Variants in DENND1A observed in about 807,000 individuals in gnomAD.
DENND1A encodes DENN domain-containing protein 1A.
Under a neutral mutation model 113.7 loss-of-function variants are expected in DENND1A, and 51 were observed. That is an observed-to-expected ratio of 0.45 (90% CI 0.36 to 0.57). The LOEUF (loss-of-function observed/expected upper bound fraction) is 0.57. DENND1A is among the 20% of genes least tolerant of loss of function. DENND1A has a pLI of 0.00. For missense variants in DENND1A, 1,258 were observed against 1,395.9 expected (o/e 0.90, Z 1.57); for synonymous variants, 565 against 570.8 (o/e 0.99, Z 0.14).
At chr9:123,561,315 A>T (rs1323340258) in intron 12 of DENND1A, among the ~76,000 whole-genome samples, 1 of 152,182 alleles carries the variant, frequency 6.6e-6, no homozygotes, top group African/African-American at 2.4e-5. Flanking sequence ...AGCAAATACG[A>T]GTGTGTCCCT....
chr9:123,729,757 A>C (rs1316111674), intron 5 of DENND1A, among the ~76,000 whole-genome samples: 1 of 152,208 alleles, frequency 6.6e-6, no homozygotes, highest in Admixed American at 6.5e-5. Context: ...AGAAAAAACT[A>C]CTTTAAATTT....
chr9:123,665,601 C>A (rs4552982), intron 8 of DENND1A, among the ~76,000 whole-genome samples: 33 of 152,038 alleles, frequency 2.2e-4, no homozygotes, highest in Admixed American at 2.0e-3. Flanking sequence ...GTTCTATAGA[C>A]GACACTTGGA....
chr9:123,601,739 A>G (rs1034369435), intron 11 of DENND1A, among the ~76,000 whole-genome samples: 1 of 152,246 alleles, frequency 6.6e-6, no homozygotes, highest in Non-Finnish European at 1.5e-5. Context: ...TGAATAAACT[A>G]TATCAGTTAA....
intron 2 of DENND1A, among the ~76,000 whole-genome samples, chr9:123,860,478 T>A (rs1590414098): frequency 6.6e-6 from 1 of 152,280 alleles, no homozygotes; most frequent in South Asian, 2.1e-4. Flanking sequence ...AAGCAAAAAC[T>A]AACACTCATT....
At chr9:123,610,592 T>C (rs2060373309) in intron 10 of DENND1A, among the ~76,000 whole-genome samples, 1 of 152,196 alleles carries the variant, frequency 6.6e-6, no homozygotes, top group African/African-American at 2.4e-5. Flanking sequence ...AGGGTGTGAT[T>C]GGCAACTTTT....
intron 1 of DENND1A, among the ~76,000 whole-genome samples, chr9:123,902,586 G>A (rs555895065): frequency 3.3e-5 from 5 of 152,042 alleles, no homozygotes; most frequent in African/African-American, 1.2e-4. Context: ...CCTTACTCAA[G>A]AAAGCAAGTG....
rs966930350 is a variant in DENND1A at position 123,422,186 on chromosome 9, G to A, written c.1489-10357C>T. Among the ~76,000 whole-genome samples, 2 of 152,226 alleles carry A rather than the reference G, an allele frequency of 1.3e-5. No individual in the cohort carries two copies. The highest frequency in any genetic ancestry group is 1.3e-4 in the Admixed American group (2 of 15,286). On this transcript the variant is annotated intron_variant, in intron 19 of 23. Coordinates refer to ENST00000394215, the MANE Select transcript of DENND1A (RefSeq NM_001352964.2). The surrounding 1 kb of genome is among the most constrained non-coding windows in gnomAD (Gnocchi z 4.8). ...CAAGTTAAAGTAAATGGCTGCCCAA[G>A]AGTGGGGAACTAGCATCAAATTATC...
chr9:123,694,303 T>C (rs901663719), intron 5 of DENND1A, among the ~76,000 whole-genome samples: 3 of 152,112 alleles, frequency 2.0e-5, no homozygotes, highest in Non-Finnish European at 4.4e-5. Context: ...ATACCATGAG[T>C]GGTGCCAAGG....
intron 13 of DENND1A, among the ~76,000 whole-genome samples, chr9:123,470,089 G>A (rs1327001689): frequency 6.6e-5 from 10 of 152,322 alleles, no homozygotes; most frequent in African/African-American, 2.4e-4. Flanking sequence ...GGTTTTGGCT[G>A]CACTCTATGC....
rs114446426 is a variant in DENND1A, at chr9:123,413,621, C to T, written c.1489-1792G>A. 4.1e-4 allele frequency: 404 copies of T among 985,492 alleles called. No homozygotes were observed. The African/African-American group carries it at 6.3e-3, about 15-fold the overall frequency. 61.0% of individuals were successfully genotyped at this position (985,492 alleles called of 1,614,324 possible). A position where few individuals can be genotyped will look rare whatever the true frequency, so the allele number is the denominator to read the frequency against. On this transcript the variant is annotated intron_variant, in intron 19 of 23. Coordinates refer to ENST00000394215, the MANE Select transcript of DENND1A (RefSeq NM_001352964.2). ...AGGGACTTGGTGGAGGGTTCCCTGG[C>T]GGCACATGGAGAACACGATGGGATA...
At chr9:123,579,061 A>G (rs1334775835) in intron 12 of DENND1A, among the ~76,000 whole-genome samples, 1 of 152,196 alleles carries the variant, frequency 6.6e-6, no homozygotes, top group Non-Finnish European at 1.5e-5. Flanking sequence ...GAGGAGAGAG[A>G]ACTACAGCTA....
At chr9:123,887,993 A>G (rs538847326) in intron 1 of DENND1A, among the ~76,000 whole-genome samples, 10 of 152,296 alleles carry the variant, frequency 6.6e-5, no homozygotes, top group Non-Finnish European at 7.3e-5. Flanking sequence ...ACATGCACAC[A>G]TATTTCCCAG....
chr9:123,477,192 A>T (rs1020505006), intron 13 of DENND1A, among the ~76,000 whole-genome samples: 5 of 152,120 alleles, frequency 3.3e-5, no homozygotes, highest in Non-Finnish European at 7.3e-5. Flanking sequence ...TCCTGCTGCA[A>T]CCTAATGGGA....
At chr9:123,796,952 A>T (rs1000531435) in intron 2 of DENND1A, among the ~76,000 whole-genome samples, 2 of 152,102 alleles carry the variant, frequency 1.3e-5, no homozygotes, top group Non-Finnish European at 2.9e-5. Context: ...CATCTCCTAT[A>T]ATAGGACCTC....
At chr9:123,454,134 G>A (rs1422564163) in intron 16 of DENND1A, among the ~76,000 whole-genome samples, 3 of 152,226 alleles carry the variant, frequency 2.0e-5, no homozygotes, top group African/African-American at 7.2e-5. Context: ...AAGACAGGGA[G>A]CTCCCCCAGG....
chr9:123,925,627 A>G (rs953534644), intron 1 of DENND1A, among the ~76,000 whole-genome samples: 27 of 152,204 alleles, frequency 1.8e-4, no homozygotes, highest in African/African-American at 6.3e-4. Flanking sequence ...CAGGCACAGT[A>G]TTGCCACTAA....
At chr9:123,909,896 T>C (rs935802202) in intron 1 of DENND1A, among the ~76,000 whole-genome samples, 3 of 151,844 alleles carry the variant, frequency 2.0e-5, no homozygotes, top group South Asian at 2.1e-4. Flanking sequence ...TAGTAAAAAC[T>C]AGAAAATGAC....
chr9:123,509,955 T>C (rs532098312), intron 13 of DENND1A, among the ~76,000 whole-genome samples: 1 of 152,346 alleles, frequency 6.6e-6, no homozygotes, highest in East Asian at 1.9e-4. Flanking sequence ...TGAACCTACC[T>C]GTAAGGTGTC....
Position 123,620,890 on chromosome 9 carries a change from C to T in DENND1A, c.719+9486G>A, listed in dbSNP as rs2060927327. Among the ~76,000 whole-genome samples the T allele has an allele frequency of 2.0e-5, 3 of 152,148 alleles. No individual in the cohort carries two copies. In the South Asian group the frequency reaches 6.2e-4, roughly 32 times the overall value. On this transcript the variant is annotated intron_variant, in intron 10 of 23. Transcript: ENST00000394215. The stretch of plus-strand genomic sequence containing the variant: ...CTATTCTCCATATCTTGACTGGATG[C>T]TTGAGTTCGTTGGTGAAGTAGTGTT...
Sources: gnomAD v4.1 joint callset for allele counts (sites outside exome capture counted in the v4.1 genomes callset) on GRCh38, gnomAD v4.1.1 for gene constraint, Gnocchi (gnomAD v3.1) non-coding constraint, MANE v1.5 for transcripts, NCBI Gene and HGNC (gene_info 2026-07-23, HGNC 2026-07-21) for gene names.